The following PUM2 variants were observed in gnomAD, a reference collection of about 807,000 sequenced individuals.
The protein encoded by PUM2 is pumilio homolog 2.
PUM2 carries 57 observed loss-of-function variants against 124.5 expected under a neutral mutation model. That is an observed-to-expected ratio of 0.46 (90% CI 0.37 to 0.57). The LOEUF (loss-of-function observed/expected upper bound fraction) is 0.57. PUM2 is among the 20% of genes least tolerant of loss of function. PUM2 has a pLI of 0.00. For missense variants in PUM2, 1,065 were observed against 1,290.6 expected, an observed-to-expected ratio of 0.83 and a Z score of 2.68; for synonymous variants, 460 against 446.1, an observed-to-expected ratio of 1.03 and a Z score of -0.39.
intron 13 of PUM2, among the ~76,000 whole-genome samples, chr2:20,276,371 C>A (rs1244742718): frequency 1.3e-5 from 2 of 151,542 alleles, no homozygotes; most frequent in South Asian, 2.1e-4. Flanking sequence ...AGATCTCAAG[C>A]CTTACAGGTA....
chr2:20,316,318 T>C (rs995520211), intron 3 of PUM2, among the ~76,000 whole-genome samples: 4 of 152,126 alleles, frequency 2.6e-5, no homozygotes, highest in Non-Finnish European at 5.9e-5. Flanking sequence ...ATTTTAACAA[T>C]GAAATTAAAC....
chr2:20,333,623 T>A lies in PUM2; in HGVS notation c.-18-6245A>T, dbSNP rs577173683. Reference sequence around the variant, plus strand: ...TAGGACATTTACATTATTAAAAGTATTTGTTTTGGCTAGGCATGATGGTTC... The same window carrying A: ...TAGGACATTTACATTATTAAAAGTAATTGTTTTGGCTAGGCATGATGGTTC... On this transcript the variant is annotated intron_variant, in intron 1 of 20. Transcript: ENST00000361078. 2.6e-5 allele frequency among the ~76,000 whole-genome samples: 4 copies of A among 152,202 alleles called. No individual in the cohort carries two copies. In the East Asian group the frequency reaches 7.7e-4, roughly 29 times the overall value.
chr2:20,289,552 T>A (rs888943146), intron 10 of PUM2, among the ~76,000 whole-genome samples: 3 of 152,054 alleles, frequency 2.0e-5, no homozygotes, highest in Non-Finnish European at 4.4e-5. Flanking sequence ...GTATAAAAAA[T>A]AAAATAATGA....
intron 8 of PUM2, among the ~76,000 whole-genome samples, chr2:20,296,009 G>C (rs563673584): frequency 2.0e-5 from 3 of 152,178 alleles, no homozygotes; most frequent in African/African-American, 7.2e-5. Flanking sequence ...CAGTTTAGTG[G>C]TTCTCTGTAT....
At position 20,250,523 on chromosome 2, in the gene PUM2, A is replaced by C. The variant is rs1269428082; in HGVS notation, c.*1062T>G. 1 of 152,388 alleles carries C rather than the reference A, an allele frequency of 6.6e-6. No homozygotes were observed. Among genetic ancestry groups the C allele is most frequent in the Non-Finnish European group, 1.5e-5 (1 of 68,008 alleles). The allele number at this position is 152,388 out of a possible 1,614,324, so 9.4% of individuals were successfully genotyped here. On this transcript the variant is annotated 3_prime_UTR_variant, in exon 21 of 21. Transcript: ENST00000361078. ...GGCTTTTATAATAAACATTGAAACA[A>C]GATTTCCTTTCAAAGTGTAAACTTA...
chr2:20,323,995 T>C (rs1461731733), intron 2 of PUM2, among the ~76,000 whole-genome samples: 1 of 149,384 alleles, frequency 6.7e-6, no homozygotes, highest in Non-Finnish European at 1.5e-5. Flanking sequence ...TAAAATATTA[T>C]CATGATAGTC....
rs76581680 is a variant in PUM2, at chr2:20,301,593, C to T, written c.884-3915G>A. 2.8e-3 allele frequency among the ~76,000 whole-genome samples: 430 copies of T among 152,194 alleles called. 1 individual carries two copies. The highest frequency in any genetic ancestry group is 6.1e-3 in the Admixed American group (93 of 15,274). On this transcript the variant is annotated intron_variant, in intron 7 of 20. Transcript: ENST00000361078. ...GTCTACAGATACAAACCTAGCTCAT[C>T]CTTTTTTTTTTGAGACAAGGTCTTG...
chr2:20,268,892 T>C (rs1668362008), intron 13 of PUM2, among the ~76,000 whole-genome samples: 1 of 152,152 alleles, frequency 6.6e-6, no homozygotes, highest in African/African-American at 2.4e-5. Flanking sequence ...TGGACTATTA[T>C]TTTATGATAC....
intron 13 of PUM2, among the ~76,000 whole-genome samples, chr2:20,276,113 T>G (rs1670190969): frequency 6.6e-6 from 1 of 152,110 alleles, no homozygotes; most frequent in East Asian, 1.9e-4. Flanking sequence ...AGCTGCAAAT[T>G]TGAACAAGTG....
intron 15 of PUM2, among the ~76,000 whole-genome samples, chr2:20,259,092 A>G (rs972247424): frequency 3.3e-5 from 5 of 152,264 alleles, no homozygotes; most frequent in African/African-American, 1.2e-4. Flanking sequence ...TCATTAAGCT[A>G]CAACACAGAT....
chr2:20,342,328 C>T (rs914928524), intron 1 of PUM2, among the ~76,000 whole-genome samples: 1 of 152,140 alleles, frequency 6.6e-6, no homozygotes, highest in Non-Finnish European at 1.5e-5. Context: ...TAAGTGATCC[C>T]TTGTCCAATA....
chr2:20,282,660 C>T (rs976785705), intron 12 of PUM2, among the ~76,000 whole-genome samples: 3 of 151,832 alleles, frequency 2.0e-5, no homozygotes, highest in African/African-American at 7.3e-5. Flanking sequence ...ATATATTGAC[C>T]CAAATAAACC....
chr2:20,322,554 G>A (rs557515619), intron 2 of PUM2, among the ~76,000 whole-genome samples: 77 of 152,208 alleles, frequency 5.1e-4, no homozygotes, highest in African/African-American at 1.8e-3. Context: ...AGGCTGCAGC[G>A]AGCTATAATT....
rs1161140873 is a variant in PUM2 at position 20,256,086 on chromosome 2, C to T, written c.2569G>A (p.Glu857Lys). ...TGTAGTGACTGTGGCTGAACACATT[C>T]GATACATTTTTGTACAACATGGTTT... The part of the protein sequence containing the change: ...NGNHVVQKCI[E>K]CVQPQSLQFI... Residue 857 changes from glutamate to lysine, a missense_variant, in exon 17 of 21, where the codon GAA becomes AAA. Around this residue, in one of 3 missense-constraint regions of PUM2, gnomAD observed 968 missense variants for 1,159.8 expected, o/e 0.83. Coordinates refer to ENST00000361078, the MANE Select transcript of PUM2 (RefSeq NM_015317.5). The T allele has an allele frequency of 2.5e-6, 4 of 1,601,136 alleles. No individual in the cohort carries two copies. Among genetic ancestry groups the T allele is most frequent in the African/African-American group, 1.4e-5 (1 of 74,044 alleles).
At chr2:20,281,109 T>C (rs1218048965) in intron 12 of PUM2, among the ~76,000 whole-genome samples, 2 of 152,148 alleles carry the variant, frequency 1.3e-5, no homozygotes, top group Non-Finnish European at 2.9e-5. Context: ...AGTCCATATA[T>C]ATAGCACTTG....
At chr2:20,282,111 G>C (rs747228624) in intron 12 of PUM2, among the ~76,000 whole-genome samples, 1 of 152,198 alleles carries the variant, frequency 6.6e-6, no homozygotes, top group Non-Finnish European at 1.5e-5. Context: ...AAAGCTGCCA[G>C]CTGCACCGAT....
At chr2:20,286,481 T>C (rs1353749324) in intron 10 of PUM2, among the ~76,000 whole-genome samples, 3 of 152,206 alleles carry the variant, frequency 2.0e-5, no homozygotes, top group East Asian at 1.9e-4. Flanking sequence ...TAACATGAGA[T>C]TGTTCCTAAT....
Position 20,327,293 on chromosome 2 carries a change from TA to T in PUM2, c.51+16del, listed in dbSNP as rs1683912188. ...AATAAAGTGAGGTGTAAGTTCTTAG[TA>T]TTTGCAAACATTTACCTCTCCCATT... On this transcript the variant is annotated intron_variant, in intron 2 of 20. Coordinates refer to ENST00000361078, the MANE Select transcript of PUM2 (RefSeq NM_015317.5). 1 of 1,501,282 alleles carries T rather than the reference TA, an allele frequency of 6.7e-7. No homozygotes were observed. The highest frequency in any genetic ancestry group is 2.3e-5 in the East Asian group (1 of 44,252). The allele number at this position is 1,501,282 out of a possible 1,614,324, so 93.0% of individuals were successfully genotyped here.
rs1689209079 is a variant in PUM2 at position 20,350,742 on chromosome 2, C to T, written c.-164G>A. The T allele has an allele frequency of 1.0e-6, 1 of 976,282 alleles. No homozygotes were observed. The highest frequency in any genetic ancestry group is 1.2e-6 in the Non-Finnish European group (1 of 824,922). 60.5% of individuals were successfully genotyped at this position (976,282 alleles called of 1,614,324 possible). A position where few individuals can be genotyped will look rare whatever the true frequency, so the allele number is the denominator to read the frequency against. On this transcript the variant is annotated 5_prime_UTR_variant, in exon 1 of 21. The change creates a new upstream start codon in the 5' untranslated region. Transcript: ENST00000361078. ...CCTACCACCCTCCCCCCCCACCCCACCTCCTCCTTCTCCTCCCCCTCCTCC... is the reference window on the plus strand; with the variant it reads ...CCTACCACCCTCCCCCCCCACCCCATCTCCTCCTTCTCCTCCCCCTCCTCC...
Sources: allele counts gnomAD v4.1 joint callset (sites outside exome capture counted in the v4.1 genomes callset), GRCh38; gene constraint gnomAD v4.1.1; regional missense constraint gnomAD v4.1.1; transcripts MANE v1.5; gene names NCBI Gene and HGNC (gene_info 2026-07-23, HGNC 2026-07-21).